Variants in ADSS2 observed in about 807,000 individuals in gnomAD.
ADSS2 encodes the protein adenylosuccinate synthase 2.
In ADSS2, 30 loss-of-function variants were observed where a neutral mutation model predicts 60.0. The ratio of observed to expected loss-of-function variants is 0.50; its 90% confidence interval spans 0.37 to 0.68. The LOEUF (loss-of-function observed/expected upper bound fraction) is 0.68. Among genes scored for constraint, ADSS2 ranks in the 30% least tolerant of loss-of-function variants. The pLI is 0.00. For missense variants in ADSS2, 373 were observed against 554.8 expected, an observed-to-expected ratio of 0.67 and a Z score of 3.29; for synonymous variants, 187 against 193.1, an observed-to-expected ratio of 0.97 and a Z score of 0.26.
intron 3 of ADSS2, 92 bp downstream of exon 3, chr1:244,436,733 G>A: frequency 8.8e-7 from 1 of 1,134,298 alleles, no homozygotes; most frequent in Non-Finnish European, 1.3e-6. Flanking sequence ...AAATTTTAAA[G>A]CATAAGACAA....
At chr1:244,450,857 A>T (rs1488569502) in intron 1 of ADSS2, among the ~76,000 whole-genome samples, 2 of 152,168 alleles carry the variant, frequency 1.3e-5, no homozygotes, top group Non-Finnish European at 2.9e-5. Flanking sequence ...AACAATGCAA[A>T]TATTTATTTC....
intron 11 of ADSS2, among the ~76,000 whole-genome samples, chr1:244,413,156 A>G (rs1298660036): frequency 6.6e-6 from 1 of 152,230 alleles, no homozygotes; most frequent in Non-Finnish European, 1.5e-5. Context: ...AGCAGGTGGT[A>G]GAACAAAGTT....
chr1:244,437,824 A>C, intron 1 of ADSS2, 56 bp from the exon 2 acceptor site: 2 of 1,287,644 alleles, frequency 1.6e-6, no homozygotes, highest in Non-Finnish European at 2.3e-6. Context: ...CAAATAACCT[A>C]TCTCCCTCCA....
At chr1:244,419,195 G>C (rs149541418) in intron 8 of ADSS2, 36 of 248,812 alleles carry the variant, frequency 1.4e-4, no homozygotes, top group African/African-American at 6.6e-4. Context: ...TCACTTACTG[G>C]ATTATGAAGA....
At chr1:244,442,959 T>G (rs1558280523) in intron 1 of ADSS2, among the ~76,000 whole-genome samples, 1 of 152,016 alleles carries the variant, frequency 6.6e-6, no homozygotes, top group African/African-American at 2.4e-5. Context: ...CAAAAACAGT[T>G]TCAAATACGA....
At chr1:244,442,648 C>T (rs193245563) in intron 1 of ADSS2, among the ~76,000 whole-genome samples, 2 of 152,082 alleles carry the variant, frequency 1.3e-5, no homozygotes, top group East Asian at 1.9e-4. Context: ...AATCTTGAAA[C>T]GCACACTACA....
At position 244,451,702 on chromosome 1, in the gene ADSS2, C is replaced by T; in HGVS notation, c.116G>A (p.Gly39Asp). 6.2e-7 allele frequency: 1 copy of T among 1,612,404 alleles called. No homozygotes were observed. Among genetic ancestry groups the T allele is most frequent in the Non-Finnish European group, 8.5e-7 (1 of 1,179,384 alleles). Residue 39 changes from glycine to aspartate, a missense_variant, in exon 1 of 13, where the codon GGC (glycine) becomes GAC (aspartate). Physicochemically the swap from Gly to Asp is moderately conservative, Grantham distance 94 (BLOSUM62 -1). Transcript: ENST00000366535. This position sits in a 1 kb window ranked among gnomAD's most constrained non-coding sequence, Gnocchi z 6.6. ...RVTVVLGAQWGDEGKGKVVDL... is the reference protein window; with the variant it reads ...RVTVVLGAQWDDEGKGKVVDL... ...CACCACCTTCCCTTTGCCTTCGTCG[C>T]CCCACTGCGCACCGAGCACCACCGT... is the stretch of plus-strand genomic sequence containing the variant.
rs114363473 is a variant in ADSS2, at chr1:244,436,014, G to A, written c.355+811C>T. Among the ~76,000 whole-genome samples the A allele has an allele frequency of 4.3e-3, 661 of 152,264 alleles. 6 individuals are homozygous for A. The highest frequency in any genetic ancestry group is 0.015 in the African/African-American group (624 of 41,536). On this transcript the variant is annotated intron_variant, in intron 3 of 12. Transcript: ENST00000366535. ...AACGCTGGTGTGGGGGAATCTGGGC[G>A]TGCATGGAAAAGATATATGAAAGCT...
At chr1:244,446,345 G>C (rs1040473054) in intron 1 of ADSS2, among the ~76,000 whole-genome samples, 2 of 152,184 alleles carry the variant, frequency 1.3e-5, no homozygotes, top group African/African-American at 2.4e-5. Context: ...TTCCAAAGTA[G>C]AGCAGGTTAA....
chr1:244,418,147 G>C (rs1294057603), intron 9 of ADSS2, among the ~76,000 whole-genome samples: 1 of 152,096 alleles, frequency 6.6e-6, no homozygotes, highest in East Asian at 1.9e-4. Context: ...CCCTTCTGAA[G>C]AAAACTAAGA....
intron 1 of ADSS2, among the ~76,000 whole-genome samples, chr1:244,441,954 TCAAA>T (rs376893844): frequency 3.3e-5 from 5 of 152,102 alleles, no homozygotes; most frequent in Admixed American, 1.3e-4. Flanking sequence ...AGACTCTGTC[TCAAA>T]CAAACAAACA....
At chr1:244,430,859 C>T (rs149030905) in intron 4 of ADSS2, among the ~76,000 whole-genome samples, 28 of 152,280 alleles carry the variant, frequency 1.8e-4, no homozygotes, top group African/African-American at 5.1e-4. Context: ...CAGTGGCTCA[C>T]GCCTGTAATC....
At chr1:244,433,755 G>A (rs1421375546) in intron 3 of ADSS2, among the ~76,000 whole-genome samples, 2 of 151,570 alleles carry the variant, frequency 1.3e-5, no homozygotes, top group Admixed American at 6.6e-5. Flanking sequence ...AGCTACTCGG[G>A]AGGCTGAGGC....
chr1:244,445,330 GAAT>G (rs1331706727), intron 1 of ADSS2, among the ~76,000 whole-genome samples: 1 of 152,148 alleles, frequency 6.6e-6, no homozygotes, highest in Non-Finnish European at 1.5e-5. Context: ...TAGTGAAACT[GAAT>G]ATTAAAATGA....
intron 6 of ADSS2, 59 bp from the exon 7 acceptor site, chr1:244,422,975 T>C (rs897187890): frequency 1.8e-6 from 2 of 1,116,342 alleles, no homozygotes; most frequent in South Asian, 1.6e-5. Flanking sequence ...TCAAATAATA[T>C]CATTTCATTC....
At chr1:244,436,593 G>A (rs1212278013) in intron 3 of ADSS2, among the ~76,000 whole-genome samples, 1 of 152,136 alleles carries the variant, frequency 6.6e-6, no homozygotes, top group Non-Finnish European at 1.5e-5. Context: ...GATAAAGTTT[G>A]TAGATGACTA....
chr1:244,416,597 T>C (rs1309307338), intron 10 of ADSS2, among the ~76,000 whole-genome samples: 1 of 152,254 alleles, frequency 6.6e-6, no homozygotes, highest in East Asian at 1.9e-4. Flanking sequence ...GCTGGGATTA[T>C]ACGCATGAGC....
rs773318896 is a variant in ADSS2 at position 244,416,063 on chromosome 1, C to T, written c.1086G>A (p.Lys362=). Residue 362 remains lysine, a synonymous_variant, in exon 11 of 13, where the codon AAG becomes AAA. Transcript: ENST00000366535. Reference sequence around the variant, plus strand: ...CCGTAAACATGTCCAAAATATCCAACTTGGTAAGTGCCAACCTAATTTTGG... The same window carrying T: ...CCGTAAACATGTCCAAAATATCCAATTTGGTAAGTGCCAACCTAATTTTGG... ...INGFTALALT[K]LDILDMFTEI... 2 of 1,613,508 alleles carry T rather than the reference C, an allele frequency of 1.2e-6. No individual in the cohort carries two copies. Among genetic ancestry groups the T allele is most frequent in the East Asian group, 2.2e-5 (1 of 44,836 alleles).
At chr1:244,450,273 G>A (rs777544452) in intron 1 of ADSS2, among the ~76,000 whole-genome samples, 4 of 152,232 alleles carry the variant, frequency 2.6e-5, no homozygotes, top group Admixed American at 6.5e-5. Context: ...GATTGCTAAG[G>A]TACAAAGTGT....
Sources: allele counts gnomAD v4.1 joint callset (sites outside exome capture counted in the v4.1 genomes callset), GRCh38; gene constraint gnomAD v4.1.1; non-coding constraint Gnocchi (gnomAD v3.1); transcripts MANE v1.5; gene names NCBI Gene and HGNC (gene_info 2026-07-23, HGNC 2026-07-21).